ADAMTS18: variants seen among roughly 807,000 people sequenced by gnomAD.
The protein encoded by ADAMTS18 is A disintegrin and metalloproteinase with thrombospondin motifs 18.
A neutral mutation model predicts 165.9 loss-of-function variants in ADAMTS18; 157 were observed. That is an observed-to-expected ratio of 0.95 (90% CI 0.83 to 1.08). The LOEUF (loss-of-function observed/expected upper bound fraction) is 1.08. ADAMTS18 is among the 50% of genes least tolerant of loss of function. The pLI, the probability that ADAMTS18 is intolerant of heterozygous loss-of-function variation, is 0.00. For missense variants in ADAMTS18, 2,040 were observed against 1,534.0 expected, an observed-to-expected ratio of 1.33 and a Z score of -5.51; for synonymous variants, 782 against 578.2, an observed-to-expected ratio of 1.35 and a Z score of -5.06.
At chr16:77,418,556 G>C (rs1247925464) in intron 3 of ADAMTS18, among the ~76,000 whole-genome samples, 1 of 152,154 alleles carries the variant, frequency 6.6e-6, no homozygotes, top group African/African-American at 2.4e-5. Context: ...TATGTCTCCA[G>C]ACAGCTTCCC....
At chr16:77,363,246 CATCTTACTGTG>C (rs1325812953) in intron 6 of ADAMTS18, among the ~76,000 whole-genome samples, 2 of 152,140 alleles carry the variant, frequency 1.3e-5, no homozygotes, top group Non-Finnish European at 2.9e-5. Context: ...TTGTGTCTTG[CATCTTACTGTG>C]ATCAATCCAA....
chr16:77,395,991 G>T (rs2057251897), intron 3 of ADAMTS18, among the ~76,000 whole-genome samples: 1 of 152,152 alleles, frequency 6.6e-6, no homozygotes, highest in Admixed American at 6.5e-5. Flanking sequence ...ATGTCATTTA[G>T]TATTCCTAAC....
chr16:77,425,705 C>G (rs752830579), intron 3 of ADAMTS18, among the ~76,000 whole-genome samples: 1 of 152,032 alleles, frequency 6.6e-6, no homozygotes, highest in African/African-American at 2.4e-5. Context: ...TAGCGTGAAC[C>G]GCAGAACCCT....
At chr16:77,331,938 C>A (rs1455948998) in intron 12 of ADAMTS18, among the ~76,000 whole-genome samples, 1 of 152,106 alleles carries the variant, frequency 6.6e-6, no homozygotes, top group African/African-American at 2.4e-5. Flanking sequence ...AATGAAGTAC[C>A]ATTCATCTTT....
At chr16:77,429,590 T>TAA (rs573551238) in intron 3 of ADAMTS18, among the ~76,000 whole-genome samples, 1 of 151,286 alleles carries the variant, frequency 6.6e-6, no homozygotes, top group African/African-American at 2.4e-5. Flanking sequence ...CTAAAAGTTT[T>TAA]AAAAAAAAAT....
rs775110927 is a variant in ADAMTS18, at chr16:77,363,851, C to G, written c.1007G>C (p.Ser336Thr). ...SGLFKDGTIG[S>T]DINVVVVSLI... ...GCTCACCACAACCACGTTTATGTCA[C>G]TTCCAATAGTCCCATCTTTAAATAG... Residue 336 changes from serine (S) to threonine (T), a missense_variant, in exon 6 of 23, where the codon AGT (serine) becomes ACT (threonine). Ser to Thr is a moderately conservative substitution (Grantham distance 58, BLOSUM62 1). Coordinates refer to ENST00000282849, the MANE Select transcript of ADAMTS18 (RefSeq NM_199355.4). 6.2e-7 allele frequency: 1 copy of G among 1,613,906 alleles called. No individual in the cohort carries two copies. The highest frequency in any genetic ancestry group is 1.3e-5 in the African/African-American group (1 of 74,904).
At chr16:77,290,615 C>T (rs1015764844) in intron 21 of ADAMTS18, 5 of 155,346 alleles carry the variant, frequency 3.2e-5, no homozygotes, top group Admixed American at 1.9e-4. Context: ...GGGGAGCACC[C>T]GAGTCCTCTG....
chr16:77,308,595 A>C (rs2055724065), intron 16 of ADAMTS18, among the ~76,000 whole-genome samples: 2 of 136,546 alleles, frequency 1.5e-5, no homozygotes, highest in South Asian at 2.4e-4. Flanking sequence ...AAAAAAAAAA[A>C]CTTGTGTACA....
intron 7 of ADAMTS18, among the ~76,000 whole-genome samples, chr16:77,361,058 C>G (rs2144729820): frequency 6.6e-6 from 1 of 151,962 alleles, no homozygotes; most frequent in Non-Finnish European, 1.5e-5. Flanking sequence ...TGCACTCCAG[C>G]CTGAGTGACA....
intron 10 of ADAMTS18, among the ~76,000 whole-genome samples, 160 bp from the exon 11 acceptor site, chr16:77,341,959 T>G (rs565849251): frequency 1.3e-5 from 2 of 152,342 alleles, no homozygotes; most frequent in East Asian, 3.9e-4. Flanking sequence ...AAAGTTAATA[T>G]GTTTTAGTAA....
intron 3 of ADAMTS18, among the ~76,000 whole-genome samples, chr16:77,370,142 T>G (rs1031258018): frequency 6.6e-6 from 1 of 152,154 alleles, no homozygotes; most frequent in South Asian, 2.1e-4. Context: ...TGGGGAAAAG[T>G]TGAAAGAAAG....
chr16:77,300,236 T>C (rs1256334200), intron 17 of ADAMTS18, 27 bp downstream of exon 17: 1 of 1,613,698 alleles, frequency 6.2e-7, no homozygotes, highest in Admixed American at 1.7e-5. Context: ...AGACAGACTT[T>C]GGAGACAGAA....
At position 77,321,207 on chromosome 16, in the gene ADAMTS18, G is replaced by A. The variant is rs1240963761; in HGVS notation, c.2164-5C>T. 4 of 1,613,856 alleles carry A rather than the reference G, an allele frequency of 2.5e-6. No individual in the cohort carries two copies. The highest frequency in any genetic ancestry group is 1.1e-5 in the South Asian group (1 of 91,088). Reference sequence around the variant, plus strand: ...TTCATGATCACATCCCACTAGCTGTGACAAAAACAAAAAACGTGAGAAAAT... The same window carrying A: ...TTCATGATCACATCCCACTAGCTGTAACAAAAACAAAAAACGTGAGAAAAT... On this transcript the variant is annotated splice_region_variant and splice_polypyrimidine_tract_variant and intron_variant, in intron 14 of 22. Transcript: ENST00000282849.
intron 19 of ADAMTS18, 146 bp downstream of exon 19, chr16:77,294,777 G>C: frequency 1.2e-6 from 1 of 806,804 alleles, no homozygotes; most frequent in South Asian, 1.6e-5. Flanking sequence ...AAGAACATTA[G>C]TTAAAATGCA....
rs146655130 is a variant in ADAMTS18 at position 77,335,785 on chromosome 16, C to G, written c.1830G>C (p.Lys610Asn). 1 of 1,614,226 alleles carries G rather than the reference C, an allele frequency of 6.2e-7. No homozygotes were observed. The highest frequency in any genetic ancestry group is 8.5e-7 in the Non-Finnish European group (1 of 1,180,038). The change falls in exon 12 of 23, where the codon AAG becomes AAC. Residue 610 changes from lysine to asparagine, a missense_variant. Coordinates refer to ENST00000282849, the MANE Select transcript of ADAMTS18 (RefSeq NM_199355.4). ...GGTTATTGCAGTGTCTCTCCTGGAA[C>G]TTGACTCCTCCACCACATGTCCGGG... ...ECSRTCGGGV[K>N]FQERHCNNPK...
At chr16:77,398,069 C>A (rs1315032215) in intron 3 of ADAMTS18, among the ~76,000 whole-genome samples, 2 of 152,140 alleles carry the variant, frequency 1.3e-5, no homozygotes, top group Non-Finnish European at 2.9e-5. Flanking sequence ...ATAATCCCAG[C>A]ACTTTGGGAG....
intron 3 of ADAMTS18, among the ~76,000 whole-genome samples, chr16:77,410,799 T>C (rs1439373172): frequency 6.6e-6 from 1 of 152,164 alleles, no homozygotes; most frequent in East Asian, 1.9e-4. Flanking sequence ...GACCCAGGAC[T>C]GAGTACAGGT....
chr16:77,357,815 A>T (rs2144723000), intron 8 of ADAMTS18, among the ~76,000 whole-genome samples: 1 of 152,320 alleles, frequency 6.6e-6, no homozygotes, highest in Admixed American at 6.5e-5. Flanking sequence ...TGTTATTTAG[A>T]ACTTAGGTAT....
chr16:77,380,602 T>C (rs1385553246), intron 3 of ADAMTS18, among the ~76,000 whole-genome samples: 1 of 152,232 alleles, frequency 6.6e-6, no homozygotes, highest in Non-Finnish European at 1.5e-5. Flanking sequence ...CATTTTAATA[T>C]TAAAAAATTA....
Sources: gnomAD v4.1 joint callset for allele counts (sites outside exome capture counted in the v4.1 genomes callset) on GRCh38, gnomAD v4.1.1 for gene constraint, MANE v1.5 for transcripts, NCBI Gene and HGNC (gene_info 2026-07-23, HGNC 2026-07-21) for gene names.